Variants in NRXN1 observed in about 807,000 individuals in gnomAD.
The protein encoded by NRXN1 is neurexin 1, also known as neurexin-1.
NRXN1 carries 39 observed loss-of-function variants against 150.9 expected under a neutral mutation model. That is an observed-to-expected ratio of 0.26 (90% CI 0.20 to 0.34). The LOEUF (loss-of-function observed/expected upper bound fraction) is 0.34, where lower values mean the gene tolerates loss of function less well. NRXN1 is among the 10% of genes least tolerant of loss of function. The pLI is 1.00. For missense variants in NRXN1, 1,815 were observed against 1,949.9 expected (o/e 0.93, Z 1.30); for synonymous variants, 924 against 757.0 (o/e 1.22, Z -3.62).
At chr2:50,121,834 T>C (rs1167842261) in intron 18 of NRXN1, among the ~76,000 whole-genome samples, 1 of 152,142 alleles carries the variant, frequency 6.6e-6, no homozygotes, top group South Asian at 2.1e-4. Context: ...AAGTAAACCA[T>C]ACAAAATAGA....
At chr2:50,509,334 C>G (rs773662527) in intron 12 of NRXN1, among the ~76,000 whole-genome samples, 1 of 152,184 alleles carries the variant, frequency 6.6e-6, no homozygotes, top group African/African-American at 2.4e-5. Context: ...AATGATCACA[C>G]TGCTAGCAAA....
At chr2:50,395,419 A>T (rs568409048) in intron 17 of NRXN1, among the ~76,000 whole-genome samples, 1 of 151,778 alleles carries the variant, frequency 6.6e-6, no homozygotes, top group East Asian at 2.0e-4. Flanking sequence ...TATAAAAAAG[A>T]ATTTTTTTCT....
At chr2:50,362,624 C>T (rs1458078984) in intron 17 of NRXN1, among the ~76,000 whole-genome samples, 1 of 152,192 alleles carries the variant, frequency 6.6e-6, no homozygotes, top group Non-Finnish European at 1.5e-5. Context: ...ACATTCCATG[C>T]TCATGGATAG....
At chr2:51,007,290 T>A (rs1255884269) in intron 2 of NRXN1, among the ~76,000 whole-genome samples, 1 of 151,902 alleles carries the variant, frequency 6.6e-6, no homozygotes, top group Non-Finnish European at 1.5e-5. Flanking sequence ...AAAATTATTG[T>A]CCAAAGAAAA....
intron 2 of NRXN1, among the ~76,000 whole-genome samples, chr2:51,002,072 T>C (rs1700142541): frequency 6.6e-6 from 1 of 152,008 alleles, no homozygotes; most frequent in African/African-American, 2.4e-5. Flanking sequence ...AACTGTCCAC[T>C]CTTCATCAAA....
rs781054571 is a variant in NRXN1, at chr2:50,623,567, T to A, written c.881A>T (p.Tyr294Phe). The A allele has an allele frequency of 6.2e-7, 1 of 1,613,230 alleles. No individual in the cohort carries two copies. ...ATFKGSEYFC[Y>F]DLSQNPIQSS... Reference sequence around the variant, plus strand: ...TTGAATGGGGTTTTGAGACAAGTCGTAGCAGAAGTATTCAGATCCTTTGAA... The same window carrying A: ...TTGAATGGGGTTTTGAGACAAGTCGAAGCAGAAGTATTCAGATCCTTTGAA... The change falls in exon 6 of 23, where the codon TAC (tyrosine) becomes TTC (phenylalanine). Residue 294 changes from tyrosine to phenylalanine, a missense_variant. Coordinates refer to ENST00000401669, the MANE Select transcript of NRXN1 (RefSeq NM_001330078.2).
intron 18 of NRXN1, among the ~76,000 whole-genome samples, chr2:50,099,321 T>C (rs924960477): frequency 6.6e-6 from 1 of 151,700 alleles, no homozygotes; most frequent in African/African-American, 2.4e-5. Flanking sequence ...CAGAATACCT[T>C]TCTTTACTTT....
chr2:50,131,428 T>C (rs947298290), intron 18 of NRXN1, among the ~76,000 whole-genome samples: 1 of 152,188 alleles, frequency 6.6e-6, no homozygotes, highest in East Asian at 1.9e-4. Context: ...TTGTAAACCC[T>C]AACAAGGTCC....
At chr2:50,384,519 A>AAT (rs796861372) in intron 17 of NRXN1, among the ~76,000 whole-genome samples, 1 of 101,080 alleles carries the variant, frequency 9.9e-6, no homozygotes, top group East Asian at 4.6e-4. Context: ...AAAAAAAAAA[A>AAT]AAAAAAAAAA....
At chr2:50,656,308 C>T in intron 5 of NRXN1, 1 of 740,524 alleles carries the variant, frequency 1.4e-6, no homozygotes, top group Non-Finnish European at 2.5e-6. Context: ...AGTTACGTAT[C>T]AATTTTAAAA....
At chr2:50,170,612 C>A (rs190513699) in intron 18 of NRXN1, among the ~76,000 whole-genome samples, 21 of 152,192 alleles carry the variant, frequency 1.4e-4, no homozygotes, top group Admixed American at 1.4e-3. Context: ...TAGAGCTGGG[C>A]TCTAATCATC....
Position 50,231,461 on chromosome 2 carries a change from A to G in NRXN1, c.3546+5328T>C, listed in dbSNP as rs558156234. Among the ~76,000 whole-genome samples the G allele has an allele frequency of 7.2e-5, 11 of 152,248 alleles. No homozygotes were observed. The East Asian group carries it at 2.1e-3, about 30-fold the overall frequency. ...ACTATAAATACACTGTTTCTAGTCT[A>G]CACTAAAACCAATGATCAAAAGGCA... is the stretch of plus-strand genomic sequence containing the variant. On this transcript the variant is annotated intron_variant, in intron 18 of 22. Coordinates refer to ENST00000401669, the MANE Select transcript of NRXN1 (RefSeq NM_001330078.2).
intron 5 of NRXN1, among the ~76,000 whole-genome samples, chr2:50,882,467 G>T (rs1444836266): frequency 6.6e-6 from 1 of 151,786 alleles, no homozygotes; most frequent in Non-Finnish European, 1.5e-5. Flanking sequence ...AACAGCCCAG[G>T]TGACATAGCT....
At chr2:51,021,045 T>C (rs970062273) in intron 2 of NRXN1, among the ~76,000 whole-genome samples, 3 of 151,934 alleles carry the variant, frequency 2.0e-5, no homozygotes, top group Admixed American at 6.6e-5. Context: ...CCTATTCCTA[T>C]ACTTATGAAT....
chr2:50,732,907 G>C (rs1280306506), intron 5 of NRXN1, among the ~76,000 whole-genome samples: 3 of 152,126 alleles, frequency 2.0e-5, no homozygotes, highest in Admixed American at 1.3e-4. Context: ...CTTTCTTCCA[G>C]TACACTGTGT....
intron 5 of NRXN1, among the ~76,000 whole-genome samples, chr2:50,690,691 T>C (rs1056324432): frequency 6.6e-6 from 1 of 152,192 alleles, no homozygotes; most frequent in Non-Finnish European, 1.5e-5. Context: ...AGCACTCTTA[T>C]CCTAAGTGTC....
chr2:50,021,785 GTTTC>G (rs1235257881), intron 21 of NRXN1, among the ~76,000 whole-genome samples: 8 of 152,124 alleles, frequency 5.3e-5, no homozygotes, highest in African/African-American at 1.9e-4. Flanking sequence ...AAGTCCTCTA[GTTTC>G]TTTATGACCC....
chr2:50,039,435 C>A (rs765774685), intron 21 of NRXN1, among the ~76,000 whole-genome samples: 6 of 152,206 alleles, frequency 3.9e-5, no homozygotes, highest in Non-Finnish European at 8.8e-5. Context: ...CACTGCACTG[C>A]AGCTTGGACA....
chr2:50,102,974 T>C lies in NRXN1; in HGVS notation c.3547-11480A>G, dbSNP rs1230320740. 3.3e-5 allele frequency among the ~76,000 whole-genome samples: 5 copies of C among 152,180 alleles called. No individual in the cohort carries two copies. In the East Asian group the frequency reaches 9.7e-4, roughly 29 times the overall value. On this transcript the variant is annotated intron_variant, in intron 18 of 22. Transcript: ENST00000401669. ...TATATTATTTGCACAAATAGAGCAA[T>C]TGAAAAATAGATGGTGAAGCACATT... is the stretch of plus-strand genomic sequence containing the variant.
Sources: allele counts gnomAD v4.1 joint callset (sites outside exome capture counted in the v4.1 genomes callset), GRCh38; gene constraint gnomAD v4.1.1; transcripts MANE v1.5; gene names NCBI Gene and HGNC (gene_info 2026-07-23, HGNC 2026-07-21).